Variants in GLRB observed in about 807,000 individuals in gnomAD.
The protein encoded by GLRB is glycine receptor subunit beta.
Under a neutral mutation model 54.2 loss-of-function variants are expected in GLRB, and 33 were observed. The observed-to-expected ratio is 0.61, with a 90% confidence interval of 0.46 to 0.81. The LOEUF (loss-of-function observed/expected upper bound fraction) is 0.81, where lower values mean the gene tolerates loss of function less well. Among genes scored for constraint, GLRB ranks in the 40% least tolerant of loss-of-function variants. The pLI, the probability that GLRB is intolerant of heterozygous loss-of-function variation, is 0.00. For missense variants in GLRB, 572 were observed against 584.6 expected, an observed-to-expected ratio of 0.98 and a Z score of 0.22; for synonymous variants, 209 against 208.2, an observed-to-expected ratio of 1.00 and a Z score of -0.03.
chr4:157,094,059 GT>G (rs1303250934), intron 2 of GLRB, among the ~76,000 whole-genome samples: 2 of 152,200 alleles, frequency 1.3e-5, no homozygotes, highest in African/African-American at 2.4e-5. Flanking sequence ...TTAAGCACAA[GT>G]TTTTTTGGGC....
chr4:157,082,964 T>TTATATA lies in GLRB; in HGVS notation c.122+4839_122+4844dup, dbSNP rs58330518. Among the ~76,000 whole-genome samples the TTATATA allele has an allele frequency of 8.5e-3, 1,180 of 139,614 alleles. 11 individuals carry two copies. The highest frequency in any genetic ancestry group is 0.065 in the East Asian group (315 of 4,838). 91.6% of individuals were successfully genotyped at this position (139,614 alleles called of 152,430 possible). A position where few individuals can be genotyped will look rare whatever the true frequency, so the allele number is the denominator to read the frequency against. On this transcript the variant is annotated intron_variant, in intron 2 of 9. Transcript: ENST00000264428. ...AATTATCAGACAAATGAATAGTGTT[T>TTATATA]TATATATATATATATATATATATAT...
chr4:157,171,727 T>C lies in GLRB; in HGVS notation c.*999T>C, dbSNP rs1159489971. On this transcript the variant is annotated 3_prime_UTR_variant, in exon 10 of 10. Transcript: ENST00000264428. ...ATGTTTACTGAATTTATTTTTTTAT[T>C]TGAATATTTTGGGATTAGTTACAAA... The C allele has an allele frequency of 6.6e-6, 1 of 152,034 alleles. No individual in the cohort carries two copies. Among genetic ancestry groups the C allele is most frequent in the Admixed American group, 6.6e-5 (1 of 15,232 alleles). 9.4% of individuals were successfully genotyped at this position (152,034 alleles called of 1,614,324 possible). A position where few individuals can be genotyped will look rare whatever the true frequency, so the allele number is the denominator to read the frequency against.
intron 7 of GLRB, among the ~76,000 whole-genome samples, chr4:157,141,122 T>A (rs1269012291): frequency 1.3e-5 from 2 of 151,890 alleles, no homozygotes; most frequent in East Asian, 3.9e-4. Context: ...GGTATTTGGG[T>A]ATGGAATTTG....
intron 2 of GLRB, among the ~76,000 whole-genome samples, chr4:157,112,039 A>T (rs907125798): frequency 7.3e-5 from 11 of 151,492 alleles, no homozygotes; most frequent in Admixed American, 7.2e-4. Context: ...CTATCTGCTT[A>T]TTAAATATTG....
chr4:157,148,838 T>C (rs371901847), intron 8 of GLRB, among the ~76,000 whole-genome samples: 1 of 152,138 alleles, frequency 6.6e-6, no homozygotes, highest in African/African-American at 2.4e-5. Flanking sequence ...GTAAGTATCA[T>C]TACCGTCAAG....
chr4:157,098,158 AT>A lies in GLRB; in HGVS notation c.122+20015del, dbSNP rs569262580. Among the ~76,000 whole-genome samples the A allele has an allele frequency of 2.2e-3, 335 of 152,312 alleles. 1 individual carries two copies. The highest frequency in any genetic ancestry group is 7.7e-3 in the African/African-American group (319 of 41,562). On this transcript the variant is annotated intron_variant, in intron 2 of 9. Transcript: ENST00000264428. Reference sequence around the variant, plus strand: ...CCATAATATAAATGGAGTAATAACAATTTATACTCTTTTGTATCTAGATTCC... The same window carrying A: ...CCATAATATAAATGGAGTAATAACAATTATACTCTTTTGTATCTAGATTCC...
intron 9 of GLRB, among the ~76,000 whole-genome samples, chr4:157,157,043 G>T (rs994790779): frequency 6.6e-6 from 1 of 152,108 alleles, no homozygotes; most frequent in Non-Finnish European, 1.5e-5. Flanking sequence ...ACTGCTGGGC[G>T]AGATTGGGGG....
chr4:157,132,531 A>G (rs1736254553), intron 4 of GLRB, among the ~76,000 whole-genome samples: 1 of 151,770 alleles, frequency 6.6e-6, no homozygotes, highest in African/African-American at 2.4e-5. Context: ...ACCAGCTTTA[A>G]GTTCTACAGC....
intron 7 of GLRB, among the ~76,000 whole-genome samples, chr4:157,141,503 GC>G (rs1373805964): frequency 1.3e-5 from 2 of 151,698 alleles, no homozygotes; most frequent in Non-Finnish European, 3.0e-5. Context: ...TTAAAATTAT[GC>G]TTTTTTATGA....
chr4:157,144,477 A>G (rs1736735639), intron 8 of GLRB, among the ~76,000 whole-genome samples: 1 of 152,314 alleles, frequency 6.6e-6, no homozygotes, highest in East Asian at 1.9e-4. Context: ...TTTATTTTTA[A>G]TGCTTTGTGA....
intron 4 of GLRB, among the ~76,000 whole-genome samples, chr4:157,135,777 A>G (rs532443330): frequency 1.3e-5 from 2 of 152,186 alleles, no homozygotes; most frequent in Non-Finnish European, 2.9e-5. Context: ...ATTTGAAATG[A>G]ATTATATTGA....
intron 2 of GLRB, among the ~76,000 whole-genome samples, chr4:157,095,176 G>A (rs921674360): frequency 1.3e-5 from 2 of 151,972 alleles, no homozygotes; most frequent in East Asian, 3.9e-4. Flanking sequence ...TCAAACCACA[G>A]CACGTAGACT....
At chr4:157,114,008 T>C (rs1280028596) in intron 2 of GLRB, among the ~76,000 whole-genome samples, 1 of 151,962 alleles carries the variant, frequency 6.6e-6, no homozygotes, top group Non-Finnish European at 1.5e-5. Context: ...CCACAATAAT[T>C]ACACAGTTAT....
At chr4:157,120,534 A>AG in intron 2 of GLRB, 22 bp from the exon 3 acceptor site, 1 of 1,308,098 alleles carries the variant, frequency 7.6e-7, no homozygotes, top group Non-Finnish European at 1.1e-6. Flanking sequence ...ACTACTTATC[A>AG]GGATTTTTCT....
intron 9 of GLRB, among the ~76,000 whole-genome samples, chr4:157,157,158 C>T (rs1737263810): frequency 6.6e-6 from 1 of 152,132 alleles, no homozygotes; most frequent in Admixed American, 6.5e-5. Flanking sequence ...CCTGTGACAT[C>T]ACCTCAGCGT....
intron 9 of GLRB, among the ~76,000 whole-genome samples, chr4:157,162,026 A>G (rs867596391): frequency 2.0e-5 from 3 of 151,994 alleles, no homozygotes; most frequent in Non-Finnish European, 2.9e-5. Flanking sequence ...GGCTTTGTTC[A>G]TTTGTTTTTA....
At chr4:157,124,676 TTACTACAGAGTG>T (rs1735953623) in intron 4 of GLRB, among the ~76,000 whole-genome samples, 1 of 151,834 alleles carries the variant, frequency 6.6e-6, no homozygotes, top group Non-Finnish European at 1.5e-5. Flanking sequence ...AATAATGTCG[TTACTACAGAGTG>T]TAATTTTGAA....
chr4:157,125,209 T>C (rs1735975046), intron 4 of GLRB, among the ~76,000 whole-genome samples: 1 of 151,830 alleles, frequency 6.6e-6, no homozygotes, highest in South Asian at 2.1e-4. Flanking sequence ...AGAGGATACT[T>C]CTTCAAAACA....
At chr4:157,161,875 C>T (rs1737509189) in intron 9 of GLRB, among the ~76,000 whole-genome samples, 1 of 152,156 alleles carries the variant, frequency 6.6e-6, no homozygotes, top group South Asian at 2.1e-4. Context: ...TGAATGTTGG[C>T]CTGCCCTGCT....
Sources: allele counts gnomAD v4.1 joint callset (sites outside exome capture counted in the v4.1 genomes callset), GRCh38; gene constraint gnomAD v4.1.1; transcripts MANE v1.5; gene names NCBI Gene and HGNC (gene_info 2026-07-23, HGNC 2026-07-21).